The following ANKH variants were observed in gnomAD, a reference collection of about 807,000 sequenced individuals.
ANKH encodes the protein mineralization regulator ANKH.
Under a neutral mutation model 49.0 loss-of-function variants are expected in ANKH, and 15 were observed. The observed-to-expected ratio is 0.31, with a 90% CI of 0.20 to 0.47. ANKH has a LOEUF of 0.47. Ranked by LOEUF, ANKH falls within the 20% of genes least tolerant of loss-of-function variation. ANKH has a pLI of 1.00. For synonymous variants in ANKH, 273 were observed against 260.0 expected (o/e 1.05, Z -0.48); for missense variants, 429 against 652.0 (o/e 0.66, Z 3.72).
intron 1 of ANKH, chr5:14,797,967 G>C: frequency 6.4e-7 from 1 of 1,567,918 alleles, no homozygotes; most frequent in East Asian, 2.2e-5. Flanking sequence ...ATCACTGGAA[G>C]GAGTCTTTGT....
intron 1 of ANKH, among the ~76,000 whole-genome samples, chr5:14,805,015 T>C (rs1740663631): frequency 1.3e-5 from 2 of 152,164 alleles, no homozygotes; most frequent in African/African-American, 4.8e-5. Context: ...AGTGTCAACT[T>C]AATTGGATTG....
intron 1 of ANKH, among the ~76,000 whole-genome samples, chr5:14,847,517 C>G (rs1373933342): frequency 6.6e-6 from 1 of 152,200 alleles, no homozygotes; most frequent in Admixed American, 6.5e-5. Flanking sequence ...AGGGCACATT[C>G]AGGCTTCCAT....
rs115645671 is a variant in ANKH, at chr5:14,791,215, G to A, written c.97-22024C>T. Among the ~76,000 whole-genome samples the A allele has an allele frequency of 8.2e-3, 1,241 of 152,182 alleles. 18 individuals are homozygous for A. Among genetic ancestry groups the A allele is most frequent in the African/African-American group, 0.028 (1,176 of 41,522 alleles). ...CAGCTGTGTTATCTTAGGCCCCTTC[G>A]GGTGCCTGGAGAGGGATGTGAAGAA... is the stretch of plus-strand genomic sequence containing the variant. On this transcript the variant is annotated intron_variant, in intron 1 of 11. Transcript: ENST00000284268.
chr5:14,718,141 C>A (rs1331114862), intron 8 of ANKH, among the ~76,000 whole-genome samples: 1 of 152,088 alleles, frequency 6.6e-6, no homozygotes, highest in Non-Finnish European at 1.5e-5. Context: ...ATGAAGCAGC[C>A]GCACTTGAGC....
chr5:14,750,755 G>T (rs1454773358), intron 5 of ANKH, among the ~76,000 whole-genome samples: 1 of 152,114 alleles, frequency 6.6e-6, no homozygotes. Flanking sequence ...TTTGCTGACT[G>T]CAGAATAACT....
chr5:14,858,563 A>C (rs1451943479), intron 1 of ANKH, among the ~76,000 whole-genome samples: 3 of 152,030 alleles, frequency 2.0e-5, no homozygotes, highest in Non-Finnish European at 4.4e-5. Flanking sequence ...TAAAAATACA[A>C]AAATTAGCCA....
chr5:14,711,100 A>C lies in ANKH; in HGVS notation c.*97T>G. The C allele has an allele frequency of 8.9e-7, 1 of 1,119,922 alleles. No individual in the cohort carries two copies. The highest frequency in any genetic ancestry group is 1.4e-6 in the Non-Finnish European group (1 of 736,938). The allele number at this position is 1,119,922 out of a possible 1,614,324, so 69.4% of individuals were successfully genotyped here. On this transcript the variant is annotated 3_prime_UTR_variant, in exon 12 of 12. Coordinates refer to ENST00000284268, the MANE Select transcript of ANKH (RefSeq NM_054027.6). The stretch of plus-strand genomic sequence containing the variant: ...GCCTCTTTCATTACCAAAACAAAAC[A>C]AAAAAAAGGGAACAAAATACGATGG...
chr5:14,758,473 TA>T lies in ANKH; in HGVS notation c.432+6del. The T allele has an allele frequency of 6.2e-7, 1 of 1,604,778 alleles. No individual in the cohort carries two copies. Among genetic ancestry groups the T allele is most frequent in the Non-Finnish European group, 8.5e-7 (1 of 1,171,478 alleles). ...AAGAAAGAAAGCCAACGATCTTCTC[TA>T]CTCACCATTGCGTCCATGAAAGGAA... On this transcript the variant is annotated splice_donor_region_variant and intron_variant, in intron 3 of 11. Transcript: ENST00000284268.
chr5:14,712,611 C>G (rs1225670150), intron 11 of ANKH, among the ~76,000 whole-genome samples: 2 of 152,246 alleles, frequency 1.3e-5, no homozygotes, highest in African/African-American at 2.4e-5. Context: ...CGCTGGCTTT[C>G]TGAAATCCAT....
intron 1 of ANKH, among the ~76,000 whole-genome samples, chr5:14,845,085 A>G (rs1361542893): frequency 1.3e-5 from 2 of 151,928 alleles, no homozygotes. Context: ...GGACTTTAAT[A>G]AGGTATCTGA....
chr5:14,855,079 T>C (rs555777350), intron 1 of ANKH, among the ~76,000 whole-genome samples: 1 of 152,282 alleles, frequency 6.6e-6, no homozygotes, highest in African/African-American at 2.4e-5. Flanking sequence ...GTTCCCCTGG[T>C]CTTATTACCT....
At chr5:14,832,738 C>A (rs896016142) in intron 1 of ANKH, among the ~76,000 whole-genome samples, 1 of 152,226 alleles carries the variant, frequency 6.6e-6, no homozygotes, top group East Asian at 1.9e-4. Context: ...TGGGCTGTTA[C>A]AAATAACGAT....
intron 1 of ANKH, among the ~76,000 whole-genome samples, chr5:14,846,781 CAGG>C: frequency 6.6e-6 from 1 of 152,158 alleles, no homozygotes; most frequent in East Asian, 1.9e-4. Flanking sequence ...TACTTGGGAT[CAGG>C]AGTTCAAGCC....
Position 14,706,963 on chromosome 5 carries a change from A to C in ANKH, c.*4234T>G, listed in dbSNP as rs1337753858. ...GAATGTGCAATGCAGACATCTCAAC[A>C]CTCCACGTCTTTCAAAGCTCTTCCT... On this transcript the variant is annotated 3_prime_UTR_variant, in exon 12 of 12. Coordinates refer to ENST00000284268, the MANE Select transcript of ANKH (RefSeq NM_054027.6). 6.6e-6 allele frequency: 1 copy of C among 152,082 alleles called. No homozygotes were observed. The highest frequency in any genetic ancestry group is 1.5e-5 in the Non-Finnish European group (1 of 68,024). The allele number at this position is 152,082 out of a possible 1,614,324, so 9.4% of individuals were successfully genotyped here.
intron 1 of ANKH, among the ~76,000 whole-genome samples, chr5:14,829,000 C>G (rs558930120): frequency 1.3e-4 from 20 of 152,128 alleles, no homozygotes; most frequent in Non-Finnish European, 2.8e-4. Context: ...GCCTGGCCAA[C>G]ATGGTGAAAC....
At chr5:14,768,229 G>C (rs1270639436) in intron 2 of ANKH, 1 of 152,278 alleles carries the variant, frequency 6.6e-6, no homozygotes, top group African/African-American at 2.4e-5. Flanking sequence ...ACAATTTTAA[G>C]GTACACAATG....
intron 1 of ANKH, among the ~76,000 whole-genome samples, chr5:14,825,325 T>C (rs1234522226): frequency 1.3e-5 from 2 of 152,196 alleles, no homozygotes; most frequent in African/African-American, 4.8e-5. Context: ...TGACATCTGT[T>C]TAAATATCTA....
At chr5:14,765,598 C>T (rs706294) in intron 2 of ANKH, among the ~76,000 whole-genome samples, 63,188 of 151,422 alleles carry the variant, frequency 0.42, 13,291 homozygotes, top group Admixed American at 0.48. Flanking sequence ...AGCTCAATAG[C>T]GGGGTCAAGA....
At chr5:14,751,901 C>A (rs771952778) in intron 4 of ANKH, among the ~76,000 whole-genome samples, 1 of 152,100 alleles carries the variant, frequency 6.6e-6, no homozygotes, top group Non-Finnish European at 1.5e-5. Context: ...GCTGGACACT[C>A]AGATGTGTAT....
Sources: gnomAD v4.1 joint callset for allele counts (sites outside exome capture counted in the v4.1 genomes callset) on GRCh38, gnomAD v4.1.1 for gene constraint, MANE v1.5 for transcripts, NCBI Gene and HGNC (gene_info 2026-07-23, HGNC 2026-07-21) for gene names.